Variants in CACNA1E observed in about 807,000 individuals in gnomAD.
The protein encoded by CACNA1E is calcium voltage-gated channel subunit alpha1 E, also known as voltage-dependent R-type calcium channel subunit alpha-1E.
CACNA1E carries 40 observed loss-of-function variants against 259.2 expected under a neutral mutation model. The observed-to-expected ratio is 0.15, with a 90% CI of 0.12 to 0.20. The LOEUF (loss-of-function observed/expected upper bound fraction) is 0.20. Among genes scored for constraint, CACNA1E ranks in the 10% least tolerant of loss-of-function variants. CACNA1E has a pLI of 1.00. For synonymous variants in CACNA1E, 1,104 were observed against 1,138.5 expected, an observed-to-expected ratio of 0.97 and a Z score of 0.61; for missense variants, 1,874 against 3,040.1, an observed-to-expected ratio of 0.62 and a Z score of 9.02.
intron 39 of CACNA1E, among the ~76,000 whole-genome samples, chr1:181,783,414 T>C (rs1660589765): frequency 6.6e-6 from 1 of 152,160 alleles, no homozygotes; most frequent in Middle Eastern, 3.2e-3. Context: ...TACTGAATGA[T>C]TAGGGAAGCC....
At position 181,579,232 on chromosome 1, in the gene CACNA1E, C is replaced by T. The variant is rs1180141464; in HGVS notation, c.769+8C>T. On this transcript the variant is annotated splice_region_variant and intron_variant, in intron 5 of 47. Coordinates refer to ENST00000367573, the MANE Select transcript of CACNA1E (RefSeq NM_001205293.3). ...GCTTCATGAACAATTCAGGTAGGGT[C>T]GTTCTTTTCTGTCTTCTCCTTTTCC... The T allele has an allele frequency of 4.4e-6, 7 of 1,605,070 alleles. No individual in the cohort carries two copies. The Admixed American group carries it at 5.1e-5, about 12-fold the overall frequency.
At chr1:181,452,777 C>T (rs1353482172) in intron 2 of CACNA1E, among the ~76,000 whole-genome samples, 1 of 152,226 alleles carries the variant, frequency 6.6e-6, no homozygotes, top group Non-Finnish European at 1.5e-5. Context: ...TCTTTTCTAA[C>T]CCTAACTCTT....
At chr1:181,520,788 T>G (rs944461125) in intron 3 of CACNA1E, among the ~76,000 whole-genome samples, 1 of 152,204 alleles carries the variant, frequency 6.6e-6, no homozygotes, top group African/African-American at 2.4e-5. Context: ...AAGGCCTTTA[T>G]TTTAAATTTT....
chr1:181,768,023 A>C (rs1349659700), intron 35 of CACNA1E, among the ~76,000 whole-genome samples: 1 of 152,232 alleles, frequency 6.6e-6, no homozygotes, highest in African/African-American at 2.4e-5. Flanking sequence ...GTAATGATCA[A>C]ATCAGGGTAA....
intron 35 of CACNA1E, among the ~76,000 whole-genome samples, chr1:181,769,377 T>G (rs1659296346): frequency 1.3e-5 from 2 of 151,274 alleles, no homozygotes. Context: ...TACAAAAAAT[T>G]TAAGAACATC....
intron 1 of CACNA1E, among the ~76,000 whole-genome samples, chr1:181,371,055 G>A (rs1439519542): frequency 6.6e-6 from 1 of 152,138 alleles, no homozygotes; most frequent in African/African-American, 2.4e-5. Flanking sequence ...ATGCTTGTTG[G>A]CTGCACGTAT....
At chr1:181,751,532 C>T (rs745448539) in intron 26 of CACNA1E, among the ~76,000 whole-genome samples, 1 of 152,194 alleles carries the variant, frequency 6.6e-6, no homozygotes, top group Non-Finnish European at 1.5e-5. Context: ...CTCTGGAACA[C>T]GTGGCCCAGT....
chr1:181,602,839 AAG>A (rs1241958922), intron 6 of CACNA1E, among the ~76,000 whole-genome samples: 2 of 152,182 alleles, frequency 1.3e-5, no homozygotes, highest in African/African-American at 4.8e-5. Flanking sequence ...GAATCCACAA[AAG>A]AGCTCATTGA....
intron 6 of CACNA1E, among the ~76,000 whole-genome samples, chr1:181,636,385 T>C (rs959673877): frequency 1.4e-4 from 21 of 152,212 alleles, no homozygotes; most frequent in African/African-American, 4.6e-4. Context: ...AATGTGATAA[T>C]GTAGTCAAAA....
intron 3 of CACNA1E, among the ~76,000 whole-genome samples, chr1:181,532,005 G>A (rs758468700): frequency 2.0e-5 from 3 of 152,132 alleles, no homozygotes; most frequent in South Asian, 2.1e-4. Flanking sequence ...GCAGTGAGCC[G>A]CCATTGCACC....
intron 1 of CACNA1E, among the ~76,000 whole-genome samples, chr1:181,358,719 T>C (rs900060091): frequency 2.6e-5 from 4 of 152,220 alleles, no homozygotes; most frequent in Admixed American, 2.6e-4. Context: ...TTATTCATAA[T>C]GAACTATCAT....
chr1:181,775,627 A>C (rs1335809014), intron 37 of CACNA1E, among the ~76,000 whole-genome samples: 1 of 152,204 alleles, frequency 6.6e-6, no homozygotes, highest in Non-Finnish European at 1.5e-5. Context: ...TGTATAGCCC[A>C]TGAAATAATG....
At chr1:181,702,309 C>G (rs2102382048) in intron 7 of CACNA1E, among the ~76,000 whole-genome samples, 1 of 152,234 alleles carries the variant, frequency 6.6e-6, no homozygotes, top group Admixed American at 6.5e-5. Flanking sequence ...TCTTCACAGT[C>G]TATCCAGAGC....
At chr1:181,419,547 G>A (rs767363692) in intron 2 of CACNA1E, among the ~76,000 whole-genome samples, 8 of 151,962 alleles carry the variant, frequency 5.3e-5, no homozygotes, top group East Asian at 1.9e-4. Context: ...TTTCCCCAAC[G>A]GACACACAAA....
intron 27 of CACNA1E, among the ~76,000 whole-genome samples, chr1:181,753,969 C>T (rs1032019342): frequency 6.6e-6 from 1 of 152,196 alleles, no homozygotes; most frequent in African/African-American, 2.4e-5. Context: ...CTGCTGTCCT[C>T]CCTGGCTACC....
chr1:181,718,521 G>A (rs1654115881), intron 12 of CACNA1E, among the ~76,000 whole-genome samples: 1 of 151,820 alleles, frequency 6.6e-6, no homozygotes. Context: ...CTTGATTTTA[G>A]AGGTGGTTCC....
intron 2 of CACNA1E, among the ~76,000 whole-genome samples, chr1:181,433,922 C>G (rs1323911489): frequency 6.6e-6 from 1 of 152,186 alleles, no homozygotes; most frequent in Non-Finnish European, 1.5e-5. Flanking sequence ...TTGAAGAGCT[C>G]TTGACCAATG....
intron 3 of CACNA1E, among the ~76,000 whole-genome samples, chr1:181,561,418 A>AC (rs977083495): frequency 6.6e-6 from 1 of 152,036 alleles, no homozygotes; most frequent in African/African-American, 2.4e-5. Flanking sequence ...TATTTCTATC[A>AC]CCCCCCAAAT....
At chr1:181,337,590 C>T (rs998025312) in intron 1 of CACNA1E, among the ~76,000 whole-genome samples, 5 of 152,180 alleles carry the variant, frequency 3.3e-5, no homozygotes, top group Non-Finnish European at 1.5e-5. Context: ...TTTAAAGATT[C>T]CACATGTAAG....
Sources: gnomAD v4.1 joint callset for allele counts (sites outside exome capture counted in the v4.1 genomes callset) on GRCh38, gnomAD v4.1.1 for gene constraint, MANE v1.5 for transcripts, NCBI Gene and HGNC (gene_info 2026-07-23, HGNC 2026-07-21) for gene names.